CELSR1: variants seen among roughly 807,000 people sequenced by gnomAD.
The protein encoded by CELSR1 is adhesion G protein-coupled receptor C1.
CELSR1 carries 110 observed loss-of-function variants against 249.1 expected under a neutral mutation model. The observed-to-expected ratio is 0.44, with a 90% CI of 0.38 to 0.52. The LOEUF (loss-of-function observed/expected upper bound fraction) is 0.52. CELSR1 is among the 20% of genes least tolerant of loss of function. The pLI, the probability that CELSR1 is intolerant of heterozygous loss-of-function variation, is 0.00. For missense variants in CELSR1, 4,109 were observed against 4,296.4 expected, an observed-to-expected ratio of 0.96 and a Z score of 1.22; for synonymous variants, 2,113 against 1,900.0, an observed-to-expected ratio of 1.11 and a Z score of -2.92.
In CELSR1 at chr22:46,380,188, G is replaced by A. The variant is rs760980; in HGVS notation, c.7256+600C>T. Among the ~76,000 whole-genome samples the A allele has an allele frequency of 0.044, 6,642 of 152,216 alleles. 487 individuals carry two copies. The highest frequency in any genetic ancestry group is 0.15 in the African/African-American group (6,196 of 41,512). On this transcript the variant is annotated intron_variant, in intron 22 of 34. Transcript: ENST00000674500. This position sits in a 1 kb window ranked among gnomAD's most constrained non-coding sequence, Gnocchi z 5.1. ...TCTAACGACGAAACGCCTTTCCCTC[G>A]CTTGCATGGATGCTAGAACACAGAT...
At chr22:46,479,257 C>T (rs888686987) in intron 1 of CELSR1, among the ~76,000 whole-genome samples, 4 of 152,138 alleles carry the variant, frequency 2.6e-5, no homozygotes, top group African/African-American at 9.6e-5. Flanking sequence ...AGGTCTGTCC[C>T]GACCCCCATG....
chr22:46,530,503 GA>G (rs1266090534), intron 1 of CELSR1: 1 of 152,054 alleles, frequency 6.6e-6, no homozygotes, highest in Non-Finnish European at 1.5e-5. Flanking sequence ...ACGTTGCCCT[GA>G]AAAACGCAAA....
At chr22:46,515,765 A>C (rs1194667011) in intron 1 of CELSR1, among the ~76,000 whole-genome samples, 1 of 152,194 alleles carries the variant, frequency 6.6e-6, no homozygotes, top group Non-Finnish European at 1.5e-5. Context: ...CAGTGTAGGA[A>C]GGCAGCCCCG....
At position 46,384,567 on chromosome 22, in the gene CELSR1, A is replaced by C. The variant is rs1239880327; in HGVS notation, c.6859T>G (p.Phe2287Val). ...CCTTTTTCTTCAGGTGGTCTGAAGAAGTCGGCTGGGAAGGAGACGGAGGAC... is the reference window on the plus strand; with the variant it reads ...CCTTTTTCTTCAGGTGGTCTGAAGACGTCGGCTGGGAAGGAGACGGAGGAC... ...LESSVSFPAD[F>V]FRPPEEKEGP... The change falls in exon 20 of 35, where the codon TTC becomes GTC. Residue 2287 changes from phenylalanine (F) to valine (V), a missense_variant. This residue lies in a region of CELSR1 where 1,805 missense variants were observed against 1,831.6 expected (regional missense o/e 0.99). Transcript: ENST00000674500. The C allele has an allele frequency of 6.2e-7, 1 of 1,612,244 alleles. No individual in the cohort carries two copies. Among genetic ancestry groups the C allele is most frequent in the East Asian group, 2.2e-5 (1 of 44,884 alleles).
chr22:46,448,754 C>T lies in CELSR1; in HGVS notation c.4184-9343G>A, dbSNP rs535298139. The stretch of plus-strand genomic sequence containing the variant: ...GCAATTTCAAAGTCAGGTCATATCA[C>T]GCAAATGCACAAAACCTGAAGTCAA... On this transcript the variant is annotated intron_variant, in intron 2 of 34. Transcript: ENST00000674500. This position sits in a 1 kb window ranked among gnomAD's most constrained non-coding sequence, Gnocchi z 5.7. Among the ~76,000 whole-genome samples the T allele has an allele frequency of 3.9e-5, 6 of 152,246 alleles. 1 individual carries two copies. In the South Asian group the frequency reaches 1.0e-3, roughly 26 times the overall value.
At chr22:46,453,277 C>T (rs1230526576) in intron 2 of CELSR1, among the ~76,000 whole-genome samples, 5 of 152,144 alleles carry the variant, frequency 3.3e-5, no homozygotes, top group Admixed American at 6.5e-5. Flanking sequence ...GCAGCATGCC[C>T]GGGCTCAGCT....
rs985532503 is a variant in CELSR1, at chr22:46,464,328, T to C, written c.3562A>G (p.Thr1188Ala). Residue 1188 changes from threonine to alanine, a missense_variant, in exon 2 of 35, where the codon ACG (threonine) becomes GCG (alanine). Physicochemically the swap from Thr to Ala is moderately conservative, Grantham distance 58. Coordinates refer to ENST00000674500, the MANE Select transcript of CELSR1 (RefSeq NM_001378328.1). This position sits in a 1 kb window ranked among gnomAD's most constrained non-coding sequence, Gnocchi z 8.5. The part of the protein sequence containing the change: ...VSVSDGIHSV[T>A]AFCTLRVTII... ...GTGACACGCAGGGTGCAGAAGGCCG[T>C]GACGCTGTGGATGCCATCTGCAGAC... 3.0e-5 allele frequency: 48 copies of C among 1,610,722 alleles called. No homozygotes were observed. The highest frequency in any genetic ancestry group is 3.9e-5 in the Non-Finnish European group (46 of 1,178,428).
rs1283188356 is a variant in CELSR1 at position 46,454,658 on chromosome 22, C to T, written c.4183+9049G>A. 1.3e-5 allele frequency among the ~76,000 whole-genome samples: 2 copies of T among 152,252 alleles called. No homozygotes were observed. On this transcript the variant is annotated intron_variant, in intron 2 of 34. Transcript: ENST00000674500. The surrounding 1 kb of genome is among the most constrained non-coding windows in gnomAD (Gnocchi z 5.1). ...CACACCTAGTTCAGCTCGCCCACCT[C>T]CAAGCTGTCCGGGTGGGACGCGGGA...
intron 1 of CELSR1, among the ~76,000 whole-genome samples, chr22:46,466,713 T>C (rs2080100402): frequency 6.6e-6 from 1 of 152,204 alleles, no homozygotes; most frequent in African/African-American, 2.4e-5. Context: ...GTTCATCAAC[T>C]TAAAACATTA....
chr22:46,371,348 C>G (rs1228755179), intron 25 of CELSR1, among the ~76,000 whole-genome samples: 1 of 152,162 alleles, frequency 6.6e-6, no homozygotes, highest in Non-Finnish European at 1.5e-5. Context: ...CAACACCCCC[C>G]CACCCCAGTG....
rs2080180663 is a variant in CELSR1, at chr22:46,473,900, T to C, written c.3545-9555A>G. Among the ~76,000 whole-genome samples, 1 of 152,068 alleles carries C rather than the reference T, an allele frequency of 6.6e-6. No homozygotes were observed. Among genetic ancestry groups the C allele is most frequent in the Non-Finnish European group, 1.5e-5 (1 of 67,988 alleles). ...TCCTGCTACCTGAGGGCGTGTGGCT[T>C]TTCTCCTTTCTGGGCAACAATCTAG... On this transcript the variant is annotated intron_variant, in intron 1 of 34. Transcript: ENST00000674500. This position sits in a 1 kb window ranked among gnomAD's most constrained non-coding sequence, Gnocchi z 6.6.
intron 4 of CELSR1, among the ~76,000 whole-genome samples, chr22:46,435,124 T>C (rs1350056300): frequency 6.6e-6 from 1 of 151,758 alleles, no homozygotes; most frequent in Non-Finnish European, 1.5e-5. Flanking sequence ...TGTCGATATA[T>C]TTTTTTTAAA....
At position 46,407,358 on chromosome 22, in the gene CELSR1, TAA is replaced by T. The variant is rs1164520304; in HGVS notation, c.5226+1636_5226+1637del. 6.6e-6 allele frequency among the ~76,000 whole-genome samples: 1 copy of T among 151,942 alleles called. No homozygotes were observed. The stretch of plus-strand genomic sequence containing the variant: ...ACACACACAAACTTGGAGAAAAGCA[TAA>T]GAGTCACATCTGTAATCCCAGCACT... On this transcript the variant is annotated intron_variant, in intron 9 of 34. Transcript: ENST00000674500. This position sits in a 1 kb window ranked among gnomAD's most constrained non-coding sequence, Gnocchi z 4.8.
intron 13 of CELSR1, among the ~76,000 whole-genome samples, chr22:46,394,929 CCCTA>C (rs745621431): frequency 3.3e-4 from 50 of 152,342 alleles, no homozygotes; most frequent in Non-Finnish European, 4.9e-4. Context: ...GCATGAGTCT[CCCTA>C]CCTGTTCCTG....
chr22:46,456,653 ACT>A (rs1347432354), intron 2 of CELSR1, among the ~76,000 whole-genome samples: 12 of 117,692 alleles, frequency 1.0e-4, no homozygotes, highest in East Asian at 2.5e-4. Context: ...ACAGAGCGAG[ACT>A]CTGTCTAAAA....
In CELSR1 at chr22:46,488,809, G is replaced by A. The variant is rs1451817672; in HGVS notation, c.3545-24464C>T. 2.6e-5 allele frequency among the ~76,000 whole-genome samples: 4 copies of A among 152,108 alleles called. No homozygotes were observed. The highest frequency in any genetic ancestry group is 7.2e-5 in the African/African-American group (3 of 41,418). ...CGAGTAGCTGGGACTACAGGCGCCC[G>A]CCACCAGGCCCAGCTAATTTTTTGT... On this transcript the variant is annotated intron_variant, in intron 1 of 34. Transcript: ENST00000674500. This position sits in a 1 kb window ranked among gnomAD's most constrained non-coding sequence, Gnocchi z 4.7.
In CELSR1 at chr22:46,464,071, C is replaced by A. The variant is rs768042694; in HGVS notation, c.3819G>T (p.Gln1273His). The change falls in exon 2 of 35, where the codon CAG becomes CAT. Residue 1273 changes from glutamine to histidine, a missense_variant. Physicochemically the swap from Gln to His is conservative, Grantham distance 24. Transcript: ENST00000674500. The surrounding 1 kb of genome is among the most constrained non-coding windows in gnomAD (Gnocchi z 8.5). ...CCTGCAGGTCCTCCGACGGGAAGAA[C>A]TGGCCGCGGACGCCGCCAGGCAGCA... ...SALLPGGVRG[Q>H]FFPSEDLQEQ... 3.1e-6 allele frequency: 5 copies of A among 1,613,704 alleles called. No individual in the cohort carries two copies. Among genetic ancestry groups the A allele is most frequent in the Non-Finnish European group, 4.2e-6 (5 of 1,180,056 alleles).
chr22:46,486,521 C>T (rs972534383), intron 1 of CELSR1, among the ~76,000 whole-genome samples: 2 of 151,680 alleles, frequency 1.3e-5, no homozygotes, highest in African/African-American at 4.8e-5. Flanking sequence ...GTACTCCAGC[C>T]TGGGCGACAG....
chr22:46,440,164 C>T lies in CELSR1; in HGVS notation c.4184-753G>A, dbSNP rs1257079502. Among the ~76,000 whole-genome samples, 1 of 152,122 alleles carries T rather than the reference C, an allele frequency of 6.6e-6. No homozygotes were observed. The highest frequency in any genetic ancestry group is 1.5e-5 in the Non-Finnish European group (1 of 68,024). On this transcript the variant is annotated intron_variant, in intron 2 of 34. Coordinates refer to ENST00000674500, the MANE Select transcript of CELSR1 (RefSeq NM_001378328.1). The surrounding 1 kb of genome is among the most constrained non-coding windows in gnomAD (Gnocchi z 4.7). ...TGCCTCTCTCCATCCGCCCTCAGAC[C>T]AGGAGTGCTAAGAACCTCATCTGCT...
Sources: allele counts gnomAD v4.1 joint callset (sites outside exome capture counted in the v4.1 genomes callset), GRCh38; gene constraint gnomAD v4.1.1; regional missense constraint gnomAD v4.1.1; non-coding constraint Gnocchi (gnomAD v3.1); transcripts MANE v1.5; gene names NCBI Gene and HGNC (gene_info 2026-07-23, HGNC 2026-07-21).